Variants in MAP4K2 observed in about 807,000 individuals in gnomAD.
The protein encoded by MAP4K2 is mitogen-activated protein kinase kinase kinase kinase 2.
In MAP4K2, 85 loss-of-function variants were observed where a neutral mutation model predicts 125.3. That is an observed-to-expected ratio of 0.68 (90% CI 0.57 to 0.81). The LOEUF (loss-of-function observed/expected upper bound fraction) is 0.81. MAP4K2 is among the 40% of genes least tolerant of loss of function. MAP4K2 has a pLI of 0.00. For missense variants in MAP4K2, 923 were observed against 1,056.4 expected (o/e 0.87, Z 1.75); for synonymous variants, 479 against 445.1 (o/e 1.08, Z -0.96).
intron 4 of MAP4K2, 79 bp from the exon 5 acceptor site, chr11:64,802,200 C>A: frequency 7.3e-7 from 1 of 1,368,990 alleles, no homozygotes. Context: ...GTGGGAAAAG[C>A]AGCAGGCACT....
rs189832606 is a variant in MAP4K2, at chr11:64,786,582, C to T, written c.*2955G>A. ...GAACATCCTGGGGGGGCCCACGTCC[C>T]TTCTACTTGTCCTCAAGAATGACTT... On this transcript the variant is annotated 3_prime_UTR_variant, in exon 32 of 32. Coordinates refer to ENST00000294066, the MANE Select transcript of MAP4K2 (RefSeq NM_004579.5). 2 of 152,360 alleles carry T rather than the reference C, an allele frequency of 1.3e-5. No homozygotes were observed. The highest frequency in any genetic ancestry group is 3.9e-4 in the East Asian group (2 of 5,188). 9.4% of individuals were successfully genotyped at this position (152,360 alleles called of 1,614,324 possible). A position where few individuals can be genotyped will look rare whatever the true frequency, so the allele number is the denominator to read the frequency against.
Position 64,797,618 on chromosome 11 carries a change from T to A in MAP4K2, c.1136+8A>T. ...CCCTTGCCCCTCCCCCAGGCCCACATCCCTCACCTTTCCTCCAGGGCCTCC... is the reference window on the plus strand; with the variant it reads ...CCCTTGCCCCTCCCCCAGGCCCACAACCCTCACCTTTCCTCCAGGGCCTCC... On this transcript the variant is annotated splice_region_variant and intron_variant, in intron 16 of 31. Coordinates refer to ENST00000294066, the MANE Select transcript of MAP4K2 (RefSeq NM_004579.5). 1 of 1,579,716 alleles carries A rather than the reference T, an allele frequency of 6.3e-7. No individual in the cohort carries two copies.
At chr11:64,796,927 CA>C in intron 20 of MAP4K2, 34 bp from the exon 21 acceptor site, 1 of 1,613,888 alleles carries the variant, frequency 6.2e-7, no homozygotes, top group Non-Finnish European at 8.5e-7. Flanking sequence ...CGAGGGAGTG[CA>C]GGGGTGGTGG....
intron 28 of MAP4K2, 41 bp downstream of exon 28, chr11:64,790,353 C>T: frequency 6.2e-7 from 1 of 1,613,612 alleles, no homozygotes; most frequent in Non-Finnish European, 8.5e-7. Flanking sequence ...CGCCTTACCT[C>T]CATAGTCCCC....
At chr11:64,802,751 A>G (rs1941296261) in intron 2 of MAP4K2, 98 bp from the exon 3 acceptor site, 2 of 1,460,998 alleles carry the variant, frequency 1.4e-6, no homozygotes, top group Admixed American at 3.8e-5. Flanking sequence ...CCTCCGGGCC[A>G]GGCAGGTGCA....
intron 27 of MAP4K2, among the ~76,000 whole-genome samples, chr11:64,791,361 T>C (rs1027419686): frequency 6.6e-6 from 1 of 152,144 alleles, no homozygotes; most frequent in Non-Finnish European, 1.5e-5. Flanking sequence ...CCCGGAGCAA[T>C]GTTGACCAGT....
Position 64,801,576 on chromosome 11 carries a change from G to A in MAP4K2, c.457+3C>T. On this transcript the variant is annotated splice_donor_region_variant and intron_variant, in intron 7 of 31. Transcript: ENST00000294066. ...ACCCTGATGGTGTCCCCAGGGTACT[G>A]ACCCAGTTTGACATCTCCCTGGAGA... is the stretch of plus-strand genomic sequence containing the variant. 3 of 1,613,972 alleles carry A rather than the reference G, an allele frequency of 1.9e-6. No homozygotes were observed. In the South Asian group the frequency reaches 3.3e-5, roughly 18 times the overall value.
At chr11:64,797,712 T>TC (rs771019831) in intron 15 of MAP4K2, 48 bp from the exon 16 acceptor site, 2 of 1,443,310 alleles carry the variant, frequency 1.4e-6, no homozygotes, top group African/African-American at 3.0e-5. Context: ...CCTTTTTTTT[T>TC]TTTTTTTTTT....
intron 25 of MAP4K2, 40 bp from the exon 26 acceptor site, chr11:64,792,315 C>T (rs762807109): frequency 1.3e-5 from 20 of 1,581,072 alleles, no homozygotes; most frequent in African/African-American, 8.3e-5. Context: ...GCTGGGCCTG[C>T]GCTGCCCCCC....
At chr11:64,792,708 A>G (rs1365239437) in intron 24 of MAP4K2, among the ~76,000 whole-genome samples, 11 of 152,014 alleles carry the variant, frequency 7.2e-5, no homozygotes, top group African/African-American at 2.7e-4. Flanking sequence ...TAATCTCTCC[A>G]TGCCTCAGTT....
chr11:64,802,743 T>C, intron 2 of MAP4K2, 90 bp from the exon 3 acceptor site: 2 of 1,480,696 alleles, frequency 1.4e-6, no homozygotes, highest in Non-Finnish European at 9.3e-7. Context: ...AGTGCCTCCC[T>C]CCGGGCCAGG....
chr11:64,800,478 A>G lies in MAP4K2; in HGVS notation c.726-86T>C, dbSNP rs1001425274. The G allele has an allele frequency of 1.4e-5, 21 of 1,461,788 alleles. No homozygotes were observed. The Middle Eastern group carries it at 1.9e-3, about 135-fold the overall frequency. 90.6% of individuals were successfully genotyped at this position (1,461,788 alleles called of 1,614,324 possible). A position where few individuals can be genotyped will look rare whatever the true frequency, so the allele number is the denominator to read the frequency against. On this transcript the variant is annotated intron_variant, in intron 10 of 31. Coordinates refer to ENST00000294066, the MANE Select transcript of MAP4K2 (RefSeq NM_004579.5). ...GCCAGCTGCCCTACCACCCCTCCAG[A>G]GGCGTCTGCTGGGCCCACCCAGGAA...
chr11:64,795,686 G>A (rs549391228), intron 24 of MAP4K2, among the ~76,000 whole-genome samples: 18 of 152,172 alleles, frequency 1.2e-4, no homozygotes, highest in Admixed American at 6.5e-4. Flanking sequence ...ACAGGCGTGA[G>A]CCCCCCCGCC....
At chr11:64,795,057 T>A (rs1232837444) in intron 24 of MAP4K2, among the ~76,000 whole-genome samples, 5 of 149,632 alleles carry the variant, frequency 3.3e-5, no homozygotes, top group African/African-American at 1.2e-4. Flanking sequence ...CATGCCTACA[T>A]CACCATGCTC....
chr11:64,790,166 AC>A (rs1592572409), intron 29 of MAP4K2, 21 bp downstream of exon 29: 3 of 1,613,414 alleles, frequency 1.9e-6, no homozygotes, highest in Non-Finnish European at 2.5e-6. Flanking sequence ...AAAGGCCTGC[AC>A]CCCACCTCTG....
At chr11:64,801,079 C>T (rs1259997729) in intron 8 of MAP4K2, 32 bp downstream of exon 8, 3 of 1,613,526 alleles carry the variant, frequency 1.9e-6, no homozygotes, top group East Asian at 4.5e-5. Flanking sequence ...TGCTCTGTGG[C>T]CCCTACCCCT....
chr11:64,802,806 C>A lies in MAP4K2; in HGVS notation c.154+79G>T, dbSNP rs549903634. On this transcript the variant is annotated intron_variant, in intron 2 of 31. Coordinates refer to ENST00000294066, the MANE Select transcript of MAP4K2 (RefSeq NM_004579.5). ...GCACGCCTCTCAGGGGTCTCGGAAACGTCAACCCTCCGCCCGCACCCCGCG... is the reference window on the plus strand; with the variant it reads ...GCACGCCTCTCAGGGGTCTCGGAAAAGTCAACCCTCCGCCCGCACCCCGCG... 9.2e-6 allele frequency: 14 copies of A among 1,517,026 alleles called. No individual in the cohort carries two copies. In the East Asian group the frequency reaches 2.9e-4, roughly 32 times the overall value. 94.0% of individuals were successfully genotyped at this position (1,517,026 alleles called of 1,614,324 possible). A position where few individuals can be genotyped will look rare whatever the true frequency, so the allele number is the denominator to read the frequency against.
chr11:64,790,907 G>A (rs926786560), intron 27 of MAP4K2, among the ~76,000 whole-genome samples: 3 of 152,142 alleles, frequency 2.0e-5, no homozygotes, highest in Non-Finnish European at 2.9e-5. Flanking sequence ...AGGCCGAAGC[G>A]GGTGGATCAC....
chr11:64,797,888 G>A (rs1940923432), intron 15 of MAP4K2, among the ~76,000 whole-genome samples: 2 of 150,694 alleles, frequency 1.3e-5, no homozygotes, highest in Admixed American at 1.3e-4. Context: ...TGTATTTTTA[G>A]TACAGAGGGG....
Sources: gnomAD v4.1 joint callset for allele counts (sites outside exome capture counted in the v4.1 genomes callset) on GRCh38, gnomAD v4.1.1 for gene constraint, MANE v1.5 for transcripts, NCBI Gene and HGNC (gene_info 2026-07-23, HGNC 2026-07-21) for gene names.